LPA: variants seen among roughly 807,000 people sequenced by gnomAD.
LPA encodes the protein apolipoprotein(a).
A neutral mutation model predicts 197.9 loss-of-function variants in LPA; 199 were observed. The observed-to-expected ratio is 1.01, with a 90% CI of 0.90 to 1.13. LPA has a LOEUF of 1.13. Ranked by LOEUF, LPA falls within the 50% of genes most tolerant of loss-of-function variation. LPA has a pLI of 0.00. For missense variants in LPA, 1,853 were observed against 1,785.8 expected (o/e 1.04, Z -0.68); for synonymous variants, 715 against 639.5 (o/e 1.12, Z -1.78).
chr6:160,572,777 G>T (rs1778586036), intron 28 of LPA, among the ~76,000 whole-genome samples: 1 of 152,174 alleles, frequency 6.6e-6, no homozygotes, highest in African/African-American at 2.4e-5. Flanking sequence ...AAAACTGGCT[G>T]TTAATCTGAT....
At chr6:160,553,973 G>C (rs1057511903) in intron 30 of LPA, among the ~76,000 whole-genome samples, 19 of 149,830 alleles carry the variant, frequency 1.3e-4, no homozygotes, top group African/African-American at 4.6e-4. Flanking sequence ...GCGCGTGTGC[G>C]TGTGTGTGTG....
At chr6:160,590,875 C>T (rs74334585) in intron 23 of LPA, 69 bp downstream of exon 23, 22,485 of 1,596,622 alleles carry the variant, frequency 0.014, 187 homozygotes, top group Non-Finnish European at 0.017. Flanking sequence ...GCTTCTGTAT[C>T]ACTAAGATTT....
intron 2 of LPA, among the ~76,000 whole-genome samples, chr6:160,649,130 G>T (rs1779958853): frequency 6.6e-6 from 1 of 152,122 alleles, no homozygotes; most frequent in African/African-American, 2.4e-5. Flanking sequence ...TTTGTGTGGA[G>T]CTGCCTTTAT....
In LPA at chr6:160,606,515, A is replaced by C; in HGVS notation, c.2747T>G (p.Ile916Ser). ...AEGTAVAPPTITPIPSLEAPS... is the reference protein window; with the variant it reads ...AEGTAVAPPTSTPIPSLEAPS... ...AGCCTCTAGGCTTGGAATCGGGGTA[A>C]TAGTTGGAGGCGCGACGGCAGTCCC... Residue 916 changes from isoleucine to serine, a missense_variant, in exon 17 of 39, where the codon ATT (isoleucine) becomes AGT (serine). Transcript: ENST00000316300. 1 of 1,613,572 alleles carries C rather than the reference A, an allele frequency of 6.2e-7. No individual in the cohort carries two copies. Among genetic ancestry groups the C allele is most frequent in the Non-Finnish European group, 8.5e-7 (1 of 1,179,896 alleles).
In LPA at chr6:160,595,635, T is replaced by C. The variant is rs1294225253; in HGVS notation, c.3288-100A>G. The C allele has an allele frequency of 4.8e-6, 5 of 1,042,090 alleles. No homozygotes were observed. The African/African-American group carries it at 6.3e-5, about 13-fold the overall frequency. The allele number at this position is 1,042,090 out of a possible 1,614,324, so 64.6% of individuals were successfully genotyped here. On this transcript the variant is annotated intron_variant, in intron 20 of 38. Transcript: ENST00000316300. ...GCTGTAACAAAGTGTAAAAAGAGAC[T>C]TTGAAATATTTTCACTAAAGGTCCC...
intron 16 of LPA, among the ~76,000 whole-genome samples, chr6:160,608,298 G>A (rs1046576150): frequency 6.6e-6 from 1 of 152,052 alleles, no homozygotes; most frequent in African/African-American, 2.4e-5. Context: ...TTTGTTTGGG[G>A]CAGTGCACAA....
intron 30 of LPA, among the ~76,000 whole-genome samples, 181 bp downstream of exon 30, chr6:160,555,844 A>G (rs1778253721): frequency 6.6e-6 from 1 of 152,168 alleles, no homozygotes; most frequent in Non-Finnish European, 1.5e-5. Context: ...TAGAAAAGAT[A>G]GCAAGCCTAA....
chr6:160,600,024 A>G lies in LPA; in HGVS notation c.3128-365T>C, dbSNP rs551284653. ...GGGTGATGCATTTGGCAAAGCTGAAAAGCAAGTCTCCAAGCATTAAAATGG... is the reference window on the plus strand; with the variant it reads ...GGGTGATGCATTTGGCAAAGCTGAAGAGCAAGTCTCCAAGCATTAAAATGG... On this transcript the variant is annotated intron_variant, in intron 19 of 38. Transcript: ENST00000316300. Among the ~76,000 whole-genome samples the G allele has an allele frequency of 5.3e-5, 8 of 152,340 alleles. No homozygotes were observed. The South Asian group carries it at 1.7e-3, about 32-fold the overall frequency.
intron 28 of LPA, among the ~76,000 whole-genome samples, chr6:160,572,943 T>C (rs1384816809): frequency 6.6e-6 from 1 of 152,236 alleles, no homozygotes; most frequent in African/African-American, 2.4e-5. Flanking sequence ...TGTATTTACA[T>C]GTTCTTTGTG....
chr6:160,601,132 A>G, intron 18 of LPA, 34 bp from the exon 19 acceptor site: 1 of 1,595,060 alleles, frequency 6.3e-7, no homozygotes, highest in Non-Finnish European at 8.6e-7. Flanking sequence ...ATCACAAAAA[A>G]TGGGTACATA....
chr6:160,608,023 T>C (rs1285212024), intron 16 of LPA, among the ~76,000 whole-genome samples: 1 of 152,170 alleles, frequency 6.6e-6, no homozygotes, highest in African/African-American at 2.4e-5. Flanking sequence ...CGCTACTTGT[T>C]CAAATTCTTA....
chr6:160,548,920 A>C (rs753421326), intron 30 of LPA, among the ~76,000 whole-genome samples: 37 of 152,238 alleles, frequency 2.4e-4, no homozygotes, highest in Non-Finnish European at 5.0e-4. Context: ...TGCTATGAGG[A>C]AATACCCGAG....
At chr6:160,609,469 T>C (rs1196394724) in intron 16 of LPA, among the ~76,000 whole-genome samples, 1 of 152,190 alleles carries the variant, frequency 6.6e-6, no homozygotes, top group Non-Finnish European at 1.5e-5. Context: ...TTCTTCTTCT[T>C]ATATCCTTGC....
chr6:160,610,348 A>T (rs995117221), intron 16 of LPA, among the ~76,000 whole-genome samples: 2 of 152,150 alleles, frequency 1.3e-5, no homozygotes, highest in Non-Finnish European at 1.5e-5. Context: ...GGTTGTCTGC[A>T]GCTGCCTTTA....
At chr6:160,637,677 CTTTT>C (rs1315952937) in intron 6 of LPA, among the ~76,000 whole-genome samples, 2,047 of 130,560 alleles carry the variant, frequency 0.016, no homozygotes, top group African/African-American at 0.062. Context: ...TTAAGACATA[CTTTT>C]TTTATACTAG....
At chr6:160,610,888 A>G (rs1779489429) in intron 16 of LPA, among the ~76,000 whole-genome samples, 1 of 152,002 alleles carries the variant, frequency 6.6e-6, no homozygotes, top group Non-Finnish European at 1.5e-5. Flanking sequence ...TGTAGAAACC[A>G]TTTTTCCATG....
chr6:160,663,144 T>C (rs1303462065), intron 1 of LPA, among the ~76,000 whole-genome samples: 1 of 152,228 alleles, frequency 6.6e-6, no homozygotes, highest in Non-Finnish European at 1.5e-5. Context: ...GACTGCTGCA[T>C]TTCTTCCCCT....
chr6:160,605,788 C>G (rs186359658), intron 17 of LPA, among the ~76,000 whole-genome samples: 104 of 152,284 alleles, frequency 6.8e-4, no homozygotes, highest in Middle Eastern at 3.4e-3. Context: ...ACAGCTTACT[C>G]CCCTGCAGGA....
intron 18 of LPA, among the ~76,000 whole-genome samples, chr6:160,601,379 A>C (rs1430812398): frequency 6.6e-6 from 1 of 152,214 alleles, no homozygotes; most frequent in Non-Finnish European, 1.5e-5. Flanking sequence ...AGGGATCAGA[A>C]TATCCTCCTT....
Sources: allele counts gnomAD v4.1 joint callset (sites outside exome capture counted in the v4.1 genomes callset), GRCh38; gene constraint gnomAD v4.1.1; transcripts MANE v1.5; gene names NCBI Gene and HGNC (gene_info 2026-07-23, HGNC 2026-07-21).